DYRK1A: variants seen among roughly 807,000 people sequenced by gnomAD.
DYRK1A encodes the protein dual specificity tyrosine-phosphorylation-regulated kinase 1A.
Under a neutral mutation model 79.7 loss-of-function variants are expected in DYRK1A, and 9 were observed. The ratio of observed to expected loss-of-function variants is 0.11; its 90% confidence interval spans 0.07 to 0.20. The LOEUF (loss-of-function observed/expected upper bound fraction) is 0.20, where lower values mean the gene tolerates loss of function less well. Ranked by LOEUF, DYRK1A falls within the 10% of genes least tolerant of loss-of-function variation. DYRK1A has a pLI of 1.00. For synonymous variants in DYRK1A, 349 were observed against 329.7 expected (o/e 1.06, Z -0.63); for missense variants, 622 against 956.0 (o/e 0.65, Z 4.61).
At chr21:37,417,304 C>T (rs2050361893) in intron 1 of DYRK1A, among the ~76,000 whole-genome samples, 1 of 151,990 alleles carries the variant, frequency 6.6e-6, no homozygotes, top group African/African-American at 2.4e-5. Context: ...AATTCTTCTG[C>T]CTCAGCCTCC....
intron 1 of DYRK1A, among the ~76,000 whole-genome samples, chr21:37,372,293 A>G (rs574266297): frequency 1.0e-5 from 1 of 98,034 alleles, no homozygotes; most frequent in Non-Finnish European, 2.1e-5. Flanking sequence ...ACAAAACAAA[A>G]CAAAAAAAAA....
At chr21:37,485,199 T>C (rs1379871474) in intron 5 of DYRK1A, among the ~76,000 whole-genome samples, 2 of 152,176 alleles carry the variant, frequency 1.3e-5, no homozygotes, top group African/African-American at 4.8e-5. Context: ...GTTAACTGTT[T>C]GGCAAGTCAG....
intron 2 of DYRK1A, among the ~76,000 whole-genome samples, chr21:37,467,812 GT>G (rs1216116170): frequency 6.6e-6 from 1 of 152,076 alleles, no homozygotes; most frequent in Non-Finnish European, 1.5e-5. Flanking sequence ...ATATGTGAGA[GT>G]AGTGTCTGTT....
At chr21:37,508,112 T>G (rs1053488028) in intron 11 of DYRK1A, among the ~76,000 whole-genome samples, 3 of 152,210 alleles carry the variant, frequency 2.0e-5, no homozygotes, top group Admixed American at 2.0e-4. Flanking sequence ...GACAGTAAAT[T>G]ATCTGGATTC....
rs367673016 is a variant in DYRK1A at position 37,479,612 on chromosome 21, G to GTTTTTTTTTTTTTTTTTT, written c.301-1020_301-1019insTTTTTTTTTTTTTTTTTT. ...GTGTTTTGTTTTTGTTTTTGTTTTTGTTTTTTGTTTTTTTTTTTTTTTTTG... is the reference window on the plus strand; with the variant it reads ...GTGTTTTGTTTTTGTTTTTGTTTTTGTTTTTTTTTTTTTTTTTTTTTTTTGTTTTTTTTTTTTTTTTTG... On this transcript the variant is annotated intron_variant, in intron 4 of 11. Transcript: ENST00000647188. Among the ~76,000 whole-genome samples, 115 of 47,166 alleles carry GTTTTTTTTTTTTTTTTTT rather than the reference G, an allele frequency of 2.4e-3. 18 individuals carry two copies. Among genetic ancestry groups the GTTTTTTTTTTTTTTTTTT allele is most frequent in the Middle Eastern group, 0.022 (1 of 46 alleles). The allele number at this position is 47,166 out of a possible 152,430, so 30.9% of individuals were successfully genotyped here. A position where few individuals can be genotyped will look rare whatever the true frequency, so the allele number is the denominator to read the frequency against.
At chr21:37,441,515 A>T (rs1350656854) in intron 2 of DYRK1A, among the ~76,000 whole-genome samples, 2 of 151,992 alleles carry the variant, frequency 1.3e-5, no homozygotes, top group Non-Finnish European at 2.9e-5. Flanking sequence ...TGAAATTTTT[A>T]AATGATTTGA....
chr21:37,368,979 G>C (rs1350828654), intron 1 of DYRK1A, among the ~76,000 whole-genome samples: 1 of 152,016 alleles, frequency 6.6e-6, no homozygotes, highest in Non-Finnish European at 1.5e-5. Context: ...CCCCCCCCAA[G>C]AAAACTATGT....
intron 2 of DYRK1A, among the ~76,000 whole-genome samples, chr21:37,432,251 T>A (rs934672567): frequency 1.3e-5 from 2 of 152,114 alleles, no homozygotes; most frequent in African/African-American, 4.8e-5. Flanking sequence ...TGTGAGTTAG[T>A]TGATTCAGAA....
chr21:37,444,887 CAA>C (rs923698216), intron 2 of DYRK1A, among the ~76,000 whole-genome samples: 8 of 152,076 alleles, frequency 5.3e-5, no homozygotes, highest in African/African-American at 1.7e-4. Flanking sequence ...GGCTGACAGT[CAA>C]GAGCAGAGAT....
In DYRK1A at chr21:37,517,672, T is replaced by C. The variant is rs2835776; in HGVS notation, c.*5141T>C. On this transcript the variant is annotated 3_prime_UTR_variant, in exon 12 of 12. Transcript: ENST00000647188. ...GGTGTGCCGGGCAGGGAGTTGTTAA[T>C]GAACACCCAGGCAAGAGGACGGGCC... 0.3 allele frequency: 46,122 copies of C among 151,896 alleles called. 7,098 individuals are homozygous for C. The highest frequency in any genetic ancestry group is 0.39 in the South Asian group (1,868 of 4,812). 9.4% of individuals were successfully genotyped at this position (151,896 alleles called of 1,614,324 possible).
intron 1 of DYRK1A, among the ~76,000 whole-genome samples, chr21:37,416,983 G>C (rs1244113448): frequency 6.6e-6 from 1 of 151,778 alleles, no homozygotes; most frequent in Non-Finnish European, 1.5e-5. Context: ...TTTTTCATCT[G>C]CTACTTGTAA....
chr21:37,451,058 G>A (rs1463136223), intron 2 of DYRK1A, among the ~76,000 whole-genome samples: 2 of 152,150 alleles, frequency 1.3e-5, no homozygotes. Flanking sequence ...TGAGAAAAAT[G>A]TTTAAAAAGT....
At chr21:37,450,524 G>T (rs2051412629) in intron 2 of DYRK1A, among the ~76,000 whole-genome samples, 1 of 152,174 alleles carries the variant, frequency 6.6e-6, no homozygotes, top group Non-Finnish European at 1.5e-5. Flanking sequence ...TATTTAGTAA[G>T]TGCCTTTTAT....
At chr21:37,366,362 G>A (rs1174694778), upstream of DYRK1A, among the ~76,000 whole-genome samples, 1 of 144,864 alleles carries the variant, frequency 6.9e-6, no homozygotes, top group Non-Finnish European at 1.5e-5. Context: ...CGGGGGCGGC[G>A]GCGCGGGAGG....
At chr21:37,391,819 A>G (rs2049876014) in intron 1 of DYRK1A, among the ~76,000 whole-genome samples, 1 of 152,144 alleles carries the variant, frequency 6.6e-6, no homozygotes, top group Non-Finnish European at 1.5e-5. Context: ...GCTCCTCTTC[A>G]GCTTTGCCTT....
In DYRK1A at chr21:37,407,819, C is replaced by T. The variant is rs145930091; in HGVS notation, c.-76-12480C>T. 5.8e-3 allele frequency among the ~76,000 whole-genome samples: 885 copies of T among 152,218 alleles called. 4 individuals are homozygous for T. Among genetic ancestry groups the T allele is most frequent in the South Asian group, 0.012 (56 of 4,820 alleles). On this transcript the variant is annotated intron_variant, in intron 1 of 11. Coordinates refer to ENST00000647188, the MANE Select transcript of DYRK1A (RefSeq NM_001347721.2). Reference sequence around the variant, plus strand: ...TGTGTACAGTTTTTTCCCCTAAGAGCGGCGAGAGAATGGCAGCTGATCAGA... The same window carrying T: ...TGTGTACAGTTTTTTCCCCTAAGAGTGGCGAGAGAATGGCAGCTGATCAGA...
At chr21:37,415,895 C>G (rs1185429530) in intron 1 of DYRK1A, among the ~76,000 whole-genome samples, 3 of 152,136 alleles carry the variant, frequency 2.0e-5, no homozygotes, top group African/African-American at 7.2e-5. Context: ...CAAGTAATTA[C>G]TGCTAATGAG....
intron 2 of DYRK1A, among the ~76,000 whole-genome samples, chr21:37,452,353 A>G (rs4817863): frequency 0.89 from 130,352 of 146,650 alleles, 58,026 homozygotes; most frequent in East Asian, 1. Context: ...ATTGAGGGGG[A>G]TTGAGGTAAA....
In DYRK1A at chr21:37,519,736, G is replaced by GTGTTT. The variant is rs1329924530; in HGVS notation, c.*7206_*7207insGTTTT. 4.4e-4 allele frequency: 38 copies of GTGTTT among 85,796 alleles called. No individual in the cohort carries two copies. The highest frequency in any genetic ancestry group is 1.7e-3 in the African/African-American group (36 of 20,574). The allele number at this position is 85,796 out of a possible 1,614,324, so 5.3% of individuals were successfully genotyped here. ...AGAGTTTTGAGGTTTGTTGTGGGAA[G>GTGTTT]TTTTTTTTTTTTTTTTTTTTTTTGA... On this transcript the variant is annotated 3_prime_UTR_variant, in exon 12 of 12. Coordinates refer to ENST00000647188, the MANE Select transcript of DYRK1A (RefSeq NM_001347721.2).
Sources: gnomAD v4.1 joint callset for allele counts (sites outside exome capture counted in the v4.1 genomes callset) on GRCh38, gnomAD v4.1.1 for gene constraint, MANE v1.5 for transcripts, NCBI Gene and HGNC (gene_info 2026-07-23, HGNC 2026-07-21) for gene names.